PRKCZ: variants seen among roughly 807,000 people sequenced by gnomAD.
PRKCZ encodes the protein protein kinase C zeta.
PRKCZ carries 33 observed loss-of-function variants against 79.5 expected under a neutral mutation model. The observed-to-expected ratio is 0.41, with a 90% confidence interval of 0.31 to 0.55. PRKCZ has a LOEUF of 0.55. Ranked by LOEUF, PRKCZ falls within the 20% of genes least tolerant of loss-of-function variation. PRKCZ has a pLI of 0.19. For missense variants in PRKCZ, 578 were observed against 813.5 expected, an observed-to-expected ratio of 0.71 and a Z score of 3.52; for synonymous variants, 342 against 320.9, an observed-to-expected ratio of 1.07 and a Z score of -0.70.
intron 4 of PRKCZ, among the ~76,000 whole-genome samples, chr1:2,134,205 C>A (rs557813845): frequency 6.6e-6 from 1 of 152,348 alleles, no homozygotes; most frequent in South Asian, 2.1e-4. Flanking sequence ...CCCCTGACTT[C>A]TTGGTTTCGC....
chr1:2,152,729 C>T (rs1477599816), intron 9 of PRKCZ, among the ~76,000 whole-genome samples: 5 of 152,224 alleles, frequency 3.3e-5, no homozygotes, highest in African/African-American at 9.6e-5. Context: ...TGCGGACTTC[C>T]GTCTTCTGCA....
chr1:2,097,826 C>T (rs1442355491), intron 4 of PRKCZ, among the ~76,000 whole-genome samples: 7 of 152,224 alleles, frequency 4.6e-5, no homozygotes, highest in Non-Finnish European at 1.0e-4. Context: ...AATTTTACTT[C>T]TATAGAAGGG....
At chr1:2,131,911 A>G (rs926784488) in intron 4 of PRKCZ, among the ~76,000 whole-genome samples, 1 of 152,182 alleles carries the variant, frequency 6.6e-6, no homozygotes, top group African/African-American at 2.4e-5. Context: ...TCCCGGGTTC[A>G]CGCCATTCTC....
chr1:2,178,256 G>A lies in PRKCZ; in HGVS notation c.1575+2943G>A, dbSNP rs72925875. 0.039 allele frequency among the ~76,000 whole-genome samples: 5,903 copies of A among 152,258 alleles called. 347 individuals carry two copies. Among genetic ancestry groups the A allele is most frequent in the African/African-American group, 0.13 (5,453 of 41,540 alleles). On this transcript the variant is annotated intron_variant, in intron 16 of 17. Transcript: ENST00000378567. The surrounding 1 kb of genome is among the most constrained non-coding windows in gnomAD (Gnocchi z 4.3). ...TCCGCCAGGCTGTGTGGCTCTGCCT[G>A]GTCTGCACATGTCATGGAAGTGGAC...
rs986116809 is a variant in PRKCZ at position 2,071,507 on chromosome 1, A to G, written c.334+11916A>G. ...TTCCCTGGTATTTATAGGTATGTCTATTGTTTTATTAAAAAATCCAGTTTC... is the reference window on the plus strand; with the variant it reads ...TTCCCTGGTATTTATAGGTATGTCTGTTGTTTTATTAAAAAATCCAGTTTC... On this transcript the variant is annotated intron_variant, in intron 4 of 17. Coordinates refer to ENST00000378567, the MANE Select transcript of PRKCZ (RefSeq NM_002744.6). The G allele has an allele frequency of 1.4e-4, 24 of 172,108 alleles. 1 individual carries two copies. The highest frequency in any genetic ancestry group is 1.9e-4 in the African/African-American group (8 of 41,754). 10.7% of individuals were successfully genotyped at this position (172,108 alleles called of 1,614,324 possible). A position where few individuals can be genotyped will look rare whatever the true frequency, so the allele number is the denominator to read the frequency against.
At chr1:2,068,849 C>T (rs149404689) in intron 4 of PRKCZ, among the ~76,000 whole-genome samples, 2 of 152,202 alleles carry the variant, frequency 1.3e-5, no homozygotes, top group Non-Finnish European at 2.9e-5. Flanking sequence ...CCTGGCAGGA[C>T]AGACAGCAGG....
intron 3 of PRKCZ, among the ~76,000 whole-genome samples, chr1:2,058,006 T>G (rs576012820): frequency 6.6e-6 from 1 of 152,360 alleles, no homozygotes; most frequent in African/African-American, 2.4e-5. Context: ...TAGCTGGGAC[T>G]ACAGGCATGT....
chr1:2,129,985 C>T (rs1674639859), intron 4 of PRKCZ, among the ~76,000 whole-genome samples: 1 of 152,226 alleles, frequency 6.6e-6, no homozygotes, highest in African/African-American at 2.4e-5. Context: ...TCAGTGCAGC[C>T]TCCACCTGCC....
intron 4 of PRKCZ, among the ~76,000 whole-genome samples, chr1:2,123,487 T>G (rs368764600): frequency 9.0e-4 from 6 of 6,672 alleles, no homozygotes; most frequent in African/African-American, 1.3e-3. Flanking sequence ...TGGTTAGGGT[T>G]GTGGTGGTTA....
intron 4 of PRKCZ, among the ~76,000 whole-genome samples, chr1:2,061,839 C>G (rs564811951): frequency 2.6e-5 from 4 of 152,360 alleles, no homozygotes; most frequent in Admixed American, 1.3e-4. Context: ...TTCACTCTGA[C>G]TGTGGTGCTC....
chr1:2,078,844 CT>C (rs35626021), intron 4 of PRKCZ, among the ~76,000 whole-genome samples: 4,092 of 133,934 alleles, frequency 0.031, 139 homozygotes, highest in East Asian at 0.13. Context: ...CTGAAGGTGG[CT>C]TTTTTTTTTT....
intron 11 of PRKCZ, among the ~76,000 whole-genome samples, chr1:2,170,387 T>G (rs1376894828): frequency 6.6e-6 from 1 of 152,210 alleles, no homozygotes; most frequent in Non-Finnish European, 1.5e-5. Context: ...CTTAAGAACG[T>G]TGCATGCAGT....
chr1:2,071,728 G>C (rs1431487083), intron 4 of PRKCZ, among the ~76,000 whole-genome samples: 2 of 152,334 alleles, frequency 1.3e-5, no homozygotes, highest in African/African-American at 4.8e-5. Context: ...CCGGCCGTCT[G>C]TGTGAAGTTT....
chr1:2,182,004 A>G, intron 16 of PRKCZ: 1 of 377,112 alleles, frequency 2.7e-6, no homozygotes, highest in Non-Finnish European at 5.4e-6. Flanking sequence ...CTGGCCGTGG[A>G]TGCTGCCTGT....
intron 5 of PRKCZ, among the ~76,000 whole-genome samples, chr1:2,139,457 G>C (rs1396347889): frequency 6.6e-6 from 1 of 152,246 alleles, no homozygotes; most frequent in East Asian, 1.9e-4. Flanking sequence ...AGGCGTGGTG[G>C]TGGGTTCCTC....
rs980475033 is a variant in PRKCZ, at chr1:2,075,038, C to G, written c.334+15447C>G. The G allele has an allele frequency of 1.3e-5, 2 of 152,082 alleles. No individual in the cohort carries two copies. The highest frequency in any genetic ancestry group is 2.4e-5 in the African/African-American group (1 of 41,354). The allele number at this position is 152,082 out of a possible 1,614,324, so 9.4% of individuals were successfully genotyped here. A position where few individuals can be genotyped will look rare whatever the true frequency, so the allele number is the denominator to read the frequency against. On this transcript the variant is annotated intron_variant, in intron 4 of 17. Coordinates refer to ENST00000378567, the MANE Select transcript of PRKCZ (RefSeq NM_002744.6). This position sits in a 1 kb window ranked among gnomAD's most constrained non-coding sequence, Gnocchi z 4.8. ...GGGAGGCTGGCAGCGCGCCCCTCCC[C>G]CAGGTGCGAAGGGACCTCAGCAGAC...
chr1:2,128,566 TGAGGTTGTCG>T lies in PRKCZ; in HGVS notation c.335-6692_335-6683del, dbSNP rs1345233425. On this transcript the variant is annotated intron_variant, in intron 4 of 17. Transcript: ENST00000378567. The surrounding 1 kb of genome is among the most constrained non-coding windows in gnomAD (Gnocchi z 6.5). ...TCTCAAAGACACGCACAGAGCTCCTTGAGGTTGTCGGAGTTAAGGCTGAAAGAGGAGGAGC... is the reference window on the plus strand; with the variant it reads ...TCTCAAAGACACGCACAGAGCTCCTTGAGTTAAGGCTGAAAGAGGAGGAGC... 1.3e-5 allele frequency among the ~76,000 whole-genome samples: 2 copies of T among 152,314 alleles called. No individual in the cohort carries two copies. Among genetic ancestry groups the T allele is most frequent in the East Asian group, 3.9e-4 (2 of 5,188 alleles).
rs532384256 is a variant in PRKCZ at position 2,165,215 on chromosome 1, A to C, written c.975-4303A>C. Among the ~76,000 whole-genome samples the C allele has an allele frequency of 3.9e-5, 6 of 152,222 alleles. No homozygotes were observed. In the South Asian group the frequency reaches 1.2e-3, roughly 32 times the overall value. On this transcript the variant is annotated intron_variant, in intron 10 of 17. Transcript: ENST00000378567. The surrounding 1 kb of genome is among the most constrained non-coding windows in gnomAD (Gnocchi z 4.1). ...TGCTGGTGTCTTCCTCAGAGCTTTA[A>C]TGTCCGTCCTGCTCTCCGAGTCAGG...
chr1:2,073,871 A>C (rs954691381), intron 4 of PRKCZ: 62 of 1,088,796 alleles, frequency 5.7e-5, no homozygotes, highest in Non-Finnish European at 6.5e-5. Flanking sequence ...GCCTCCCTGC[A>C]CGCCCGCCGC....
Sources: allele counts gnomAD v4.1 joint callset (sites outside exome capture counted in the v4.1 genomes callset), GRCh38; gene constraint gnomAD v4.1.1; non-coding constraint Gnocchi (gnomAD v3.1); transcripts MANE v1.5; gene names NCBI Gene and HGNC (gene_info 2026-07-23, HGNC 2026-07-21).